The following STX16 variants were observed in gnomAD, a reference collection of about 807,000 sequenced individuals.
The protein encoded by STX16 is syntaxin-16.
In STX16, 28 loss-of-function variants were observed where a neutral mutation model predicts 42.7. The ratio of observed to expected loss-of-function variants is 0.66; its 90% CI spans 0.49 to 0.90. STX16 has a LOEUF of 0.90. Among genes scored for constraint, STX16 ranks in the 40% least tolerant of loss-of-function variants. The pLI, the probability that STX16 is intolerant of heterozygous loss-of-function variation, is 0.00. For missense variants in STX16, 361 were observed against 420.9 expected, an observed-to-expected ratio of 0.86 and a Z score of 1.24; for synonymous variants, 156 against 155.2, an observed-to-expected ratio of 1.00 and a Z score of -0.04.
Position 58,659,615 on chromosome 20 carries a change from C to T in STX16, c.133-8C>T. On this transcript the variant is annotated splice_polypyrimidine_tract_variant and splice_region_variant and intron_variant, in intron 1 of 8. Transcript: ENST00000371141. ...GATGGGACTGATGGGGACAACATGTCTCTTCAGGAGCTGGACGAGGTATTG... is the reference window on the plus strand; with the variant it reads ...GATGGGACTGATGGGGACAACATGTTTCTTCAGGAGCTGGACGAGGTATTG... 1.2e-6 allele frequency: 2 copies of T among 1,612,832 alleles called. No homozygotes were observed. Among genetic ancestry groups the T allele is most frequent in the Non-Finnish European group, 1.7e-6 (2 of 1,179,694 alleles).
chr20:58,675,679 A>G (rs2084097615), intron 8 of STX16, among the ~76,000 whole-genome samples: 1 of 152,146 alleles, frequency 6.6e-6, no homozygotes, highest in Non-Finnish European at 1.5e-5. Flanking sequence ...TCAAAGGATG[A>G]GTTTTTGTTT....
Position 58,652,115 on chromosome 20 carries a change from C to A in STX16, c.109C>A (p.Leu37Met), listed in dbSNP as rs1194428098. The A allele has an allele frequency of 3.7e-6, 6 of 1,614,206 alleles. No homozygotes were observed. Among genetic ancestry groups the A allele is most frequent in the Non-Finnish European group, 5.1e-6 (6 of 1,180,040 alleles). Residue 37 changes from leucine to methionine, a missense_variant, in exon 1 of 9, where the codon CTG becomes ATG. By Grantham distance (15) the Leu-to-Met change is conservative. Coordinates refer to ENST00000371141, the MANE Select transcript of STX16 (RefSeq NM_001001433.3). ...GAGTAGTCACATCACCTCCAGCCCT[C>A]TGCATTCACGTAGCATTGCTGCGGT... Reference protein sequence around the residue: ...QVSSHITSSPLHSRSIAAELD... With the variant: ...QVSSHITSSPMHSRSIAAELD...
chr20:58,674,004 T>C (rs1285761036), intron 8 of STX16, among the ~76,000 whole-genome samples: 1 of 152,194 alleles, frequency 6.6e-6, no homozygotes, highest in Non-Finnish European at 1.5e-5. Context: ...TTTTAGAAAA[T>C]ATTTCATTCT....
intron 2 of STX16, among the ~76,000 whole-genome samples, chr20:58,661,092 C>A (rs1040928634): frequency 6.6e-6 from 1 of 152,008 alleles, no homozygotes; most frequent in Admixed American, 6.6e-5. Context: ...GGAGAGCAGG[C>A]GTTCTGAGTT....
Position 58,662,907 on chromosome 20 carries a change from G to A in STX16, c.144+3273G>A, listed in dbSNP as rs577518313. Among the ~76,000 whole-genome samples the A allele has an allele frequency of 1.3e-4, 20 of 152,198 alleles. No homozygotes were observed. In the South Asian group the frequency reaches 2.7e-3, roughly 21 times the overall value. On this transcript the variant is annotated intron_variant, in intron 2 of 8. Coordinates refer to ENST00000371141, the MANE Select transcript of STX16 (RefSeq NM_001001433.3). ...GTAAGCATTATTTTAAAATTATTACGGGTTTAGAAAAATGTAGTGCTGACA... is the reference window on the plus strand; with the variant it reads ...GTAAGCATTATTTTAAAATTATTACAGGTTTAGAAAAATGTAGTGCTGACA...
At chr20:58,654,519 G>C (rs549027485) in intron 1 of STX16, among the ~76,000 whole-genome samples, 5 of 152,134 alleles carry the variant, frequency 3.3e-5, no homozygotes, top group African/African-American at 1.2e-4. Flanking sequence ...AACTTTTCTG[G>C]AAGTTGGAAA....
In STX16 at chr20:58,667,489, G is replaced by T. The variant is rs2083864503; in HGVS notation, c.145-1G>T. On this transcript the variant is annotated splice_acceptor_variant, in intron 2 of 8. Coordinates refer to ENST00000371141, the MANE Select transcript of STX16 (RefSeq NM_001001433.3). LOFTEE classifies it high-confidence loss of function. ...TTTCATGTCCCTTTACTTTCCTGTA[G>T]CTTGCTGATGACCGTATGGCACTGG... 6.2e-7 allele frequency: 1 copy of T among 1,613,772 alleles called. No individual in the cohort carries two copies. The highest frequency in any genetic ancestry group is 1.3e-5 in the African/African-American group (1 of 74,996).
intron 8 of STX16, 116 bp downstream of exon 8, chr20:58,673,827 C>A: frequency 1.4e-6 from 1 of 737,808 alleles, no homozygotes; most frequent in East Asian, 2.7e-5. Context: ...TGTCCACTCT[C>A]AATACAGTAG....
At position 58,671,237 on chromosome 20, in the gene STX16, A is replaced by G. The variant is rs1302285094; in HGVS notation, c.732A>G (p.Val244=). Residue 244 remains valine (V), a synonymous_variant, in exon 7 of 9, where the codon GTA becomes GTG. Coordinates refer to ENST00000371141, the MANE Select transcript of STX16 (RefSeq NM_001001433.3). The stretch of plus-strand genomic sequence containing the variant: ...GGGAACGAGAGATTCGCCAGATTGT[A>G]CAGTCCATTTCTGACCTGAATGAAA... ...EEREREIRQI[V]QSISDLNEIF... 1.2e-6 allele frequency: 2 copies of G among 1,613,958 alleles called. No homozygotes were observed. Among genetic ancestry groups the G allele is most frequent in the Admixed American group, 1.7e-5 (1 of 60,000 alleles).
intron 1 of STX16, among the ~76,000 whole-genome samples, chr20:58,655,954 C>T (rs772178798): frequency 1.4e-4 from 21 of 152,164 alleles, no homozygotes; most frequent in Non-Finnish European, 2.6e-4. Flanking sequence ...AAAATACAGT[C>T]GTATTTCCCA....
chr20:58,679,163 G>C lies in STX16; in HGVS notation c.*2872G>C, dbSNP rs2084210747. ...TGCTGTCTCTTGTTTTGTTCGTTTT[G>C]GGGGTGGTGGTGCTGGCTGGGCCAT... On this transcript the variant is annotated 3_prime_UTR_variant, in exon 9 of 9. Transcript: ENST00000371141. 1 of 152,338 alleles carries C rather than the reference G, an allele frequency of 6.6e-6. No homozygotes were observed. 9.4% of individuals were successfully genotyped at this position (152,338 alleles called of 1,614,324 possible). A position where few individuals can be genotyped will look rare whatever the true frequency, so the allele number is the denominator to read the frequency against.
At chr20:58,659,044 G>C (rs2083640773) in intron 1 of STX16, among the ~76,000 whole-genome samples, 2 of 152,178 alleles carry the variant, frequency 1.3e-5, no homozygotes, top group African/African-American at 4.8e-5. Context: ...ATGAAGCCGT[G>C]TCTGCGGGAT....
At chr20:58,664,574 A>G (rs575514663) in intron 2 of STX16, among the ~76,000 whole-genome samples, 3 of 152,316 alleles carry the variant, frequency 2.0e-5, no homozygotes, top group African/African-American at 4.8e-5. Context: ...CTTCCTTAGG[A>G]CCCTTAACAA....
Position 58,662,136 on chromosome 20 carries a change from CAAAG to C in STX16, c.144+2506_144+2509del, listed in dbSNP as rs142446352. Among the ~76,000 whole-genome samples the C allele has an allele frequency of 8.1e-3, 1,234 of 152,290 alleles. 21 individuals carry two copies. The highest frequency in any genetic ancestry group is 0.028 in the African/African-American group (1,156 of 41,546). ...CTTTAATCTACTTCCTGTCTTATGA[CAAAG>C]AAATCTCTGGGAGTTTTTAAACTCA... On this transcript the variant is annotated intron_variant, in intron 2 of 8. Transcript: ENST00000371141.
intron 3 of STX16, 31 bp from the exon 4 acceptor site, chr20:58,667,956 T>C: frequency 1.2e-6 from 2 of 1,613,942 alleles, no homozygotes; most frequent in Non-Finnish European, 1.7e-6. Context: ...CTGCCTGGCA[T>C]CAGTGGAGTT....
At chr20:58,653,573 T>A (rs2083521161) in intron 1 of STX16, among the ~76,000 whole-genome samples, 1 of 152,238 alleles carries the variant, frequency 6.6e-6, no homozygotes, top group African/African-American at 2.4e-5. Context: ...TAAAGATGTC[T>A]GGTAGCATAG....
At chr20:58,670,702 T>C (rs892153769) in intron 6 of STX16, 99 bp downstream of exon 6, 53 of 956,082 alleles carry the variant, frequency 5.5e-5, no homozygotes, top group Non-Finnish European at 7.7e-5. Flanking sequence ...GTCAGTGGAT[T>C]GATACAGTTG....
chr20:58,666,335 C>T (rs2083826768), intron 2 of STX16, among the ~76,000 whole-genome samples: 1 of 151,638 alleles, frequency 6.6e-6, no homozygotes, highest in Non-Finnish European at 1.5e-5. Flanking sequence ...ACCTCAAAAT[C>T]TTTTCAACCC....
At chr20:58,662,188 G>A (rs1209308884) in intron 2 of STX16, among the ~76,000 whole-genome samples, 2 of 152,200 alleles carry the variant, frequency 1.3e-5, no homozygotes, top group Non-Finnish European at 2.9e-5. Context: ...AAAGTCACAA[G>A]ATAACAAATG....
Sources: allele counts gnomAD v4.1 joint callset (sites outside exome capture counted in the v4.1 genomes callset), GRCh38; gene constraint gnomAD v4.1.1; transcripts MANE v1.5; gene names NCBI Gene and HGNC (gene_info 2026-07-23, HGNC 2026-07-21).